Variants in SNX31 observed in about 807,000 individuals in gnomAD.
The protein encoded by SNX31 is sorting nexin-31.
SNX31 carries 58 observed loss-of-function variants against 65.4 expected under a neutral mutation model. The observed-to-expected ratio is 0.89, with a 90% CI of 0.72 to 1.10. The LOEUF (loss-of-function observed/expected upper bound fraction) is 1.10. SNX31 is among the 50% of genes least tolerant of loss of function. The pLI is 0.00. For synonymous variants in SNX31, 181 were observed against 190.1 expected, an observed-to-expected ratio of 0.95 and a Z score of 0.39; for missense variants, 523 against 529.7, an observed-to-expected ratio of 0.99 and a Z score of 0.12.
chr8:100,618,245 C>A (rs1817403701), intron 4 of SNX31: 6 of 1,453,316 alleles, frequency 4.1e-6, no homozygotes, highest in Admixed American at 4.3e-5. Flanking sequence ...GCTTAAAGAA[C>A]TTCCAAGTAA....
chr8:100,582,209 T>C (rs1349521485), intron 12 of SNX31: 2 of 152,212 alleles, frequency 1.3e-5, no homozygotes, highest in Non-Finnish European at 2.9e-5. Context: ...TTAAATAGAT[T>C]ACTACTTTCT....
chr8:100,593,166 T>G (rs925318592), intron 10 of SNX31, among the ~76,000 whole-genome samples: 1 of 152,178 alleles, frequency 6.6e-6, no homozygotes, highest in Non-Finnish European at 1.5e-5. Context: ...ATACTTTATA[T>G]GGGTGAATTG....
At chr8:100,616,306 TA>T (rs1260623290) in intron 5 of SNX31, among the ~76,000 whole-genome samples, 1 of 152,020 alleles carries the variant, frequency 6.6e-6, no homozygotes, top group Non-Finnish European at 1.5e-5. Flanking sequence ...GCCCAGTGTG[TA>T]AAAAAAGAAG....
chr8:100,602,418 C>T (rs1372518682), intron 8 of SNX31, among the ~76,000 whole-genome samples: 5 of 152,174 alleles, frequency 3.3e-5, no homozygotes, highest in Non-Finnish European at 7.4e-5. Context: ...AGTGGTCCCC[C>T]TTATCCTCAG....
chr8:100,653,295 G>T (rs534493648), upstream of SNX31, among the ~76,000 whole-genome samples: 29 of 152,304 alleles, frequency 1.9e-4, no homozygotes, highest in Non-Finnish European at 3.7e-4. Flanking sequence ...AATGTCCATG[G>T]TTCCTGGAGG....
intron 12 of SNX31, among the ~76,000 whole-genome samples, chr8:100,581,339 A>ATATC (rs1563510915): frequency 7.3e-4 from 90 of 123,964 alleles, no homozygotes; most frequent in African/African-American, 2.4e-3. Flanking sequence ...CTATCTATCT[A>ATATC]TATATATATA....
intron 12 of SNX31, among the ~76,000 whole-genome samples, chr8:100,577,321 G>T (rs1194813065): frequency 6.6e-6 from 1 of 152,210 alleles, no homozygotes; most frequent in Non-Finnish European, 1.5e-5. Flanking sequence ...GTTGCCTATG[G>T]ATTTTGTGAT....
rs754023336 is a variant in SNX31, at chr8:100,582,791, C to T, written c.1170+1320G>A. On this transcript the variant is annotated intron_variant, in intron 12 of 13. Coordinates refer to ENST00000311812, the MANE Select transcript of SNX31 (RefSeq NM_152628.4). ...AGGAGATCGAGACCATCCTGGCTAA[C>T]GTGGTGCAACCCTGTCTCTACTAAA... is the stretch of plus-strand genomic sequence containing the variant. Among the ~76,000 whole-genome samples, 62 of 151,450 alleles carry T rather than the reference C, an allele frequency of 4.1e-4. 1 individual carries two copies. The highest frequency in any genetic ancestry group is 5.9e-4 in the Non-Finnish European group (40 of 67,928).
chr8:100,639,049 C>A (rs1021123879), intron 2 of SNX31, among the ~76,000 whole-genome samples: 3 of 152,082 alleles, frequency 2.0e-5, no homozygotes. Flanking sequence ...AGTTTTGGGG[C>A]AGGGAGGTAC....
intron 3 of SNX31, among the ~76,000 whole-genome samples, chr8:100,634,162 G>A (rs41434450): frequency 0.089 from 13,556 of 152,062 alleles, 707 homozygotes; most frequent in South Asian, 0.19. Context: ...GCCTAATCTT[G>A]CCAACAACAG....
intron 10 of SNX31, among the ~76,000 whole-genome samples, chr8:100,592,014 T>C (rs892154877): frequency 1.3e-5 from 2 of 151,846 alleles, no homozygotes; most frequent in African/African-American, 4.8e-5. Context: ...CTGCAAACAG[T>C]AGAAAAATCA....
chr8:100,619,975 T>C (rs1432255040), intron 4 of SNX31: 2 of 152,128 alleles, frequency 1.3e-5, no homozygotes, highest in African/African-American at 4.8e-5. Context: ...GACTAATACA[T>C]TTATGGTATA....
chr8:100,605,249 G>A (rs1816040369), intron 8 of SNX31, among the ~76,000 whole-genome samples: 1 of 152,264 alleles, frequency 6.6e-6, no homozygotes, highest in African/African-American at 2.4e-5. Context: ...GGAGGAATGA[G>A]ACAGTCTCTG....
chr8:100,641,565 A>AT (rs1310228144), intron 2 of SNX31, among the ~76,000 whole-genome samples: 7 of 32,108 alleles, frequency 2.2e-4, no homozygotes, highest in Non-Finnish European at 2.7e-4. Flanking sequence ...AAAAAAAAAA[A>AT]ATATATATAT....
At chr8:100,631,295 C>T (rs1023978021) in intron 3 of SNX31, among the ~76,000 whole-genome samples, 2 of 152,134 alleles carry the variant, frequency 1.3e-5, no homozygotes, top group African/African-American at 4.8e-5. Flanking sequence ...TGCAAACCCA[C>T]AAGGTATGGC....
chr8:100,637,022 G>C (rs1007531395), intron 2 of SNX31, among the ~76,000 whole-genome samples: 3 of 151,946 alleles, frequency 2.0e-5, no homozygotes, highest in African/African-American at 7.3e-5. Flanking sequence ...CACCCGGCCG[G>C]GTGACTCACA....
chr8:100,616,363 A>G (rs1279967979), intron 5 of SNX31, among the ~76,000 whole-genome samples: 2 of 152,138 alleles, frequency 1.3e-5, no homozygotes, highest in East Asian at 1.9e-4. Flanking sequence ...CTCCTGTTCT[A>G]TATCTGATCC....
intron 1 of SNX31, among the ~76,000 whole-genome samples, chr8:100,661,006 TA>T (rs1402130899): frequency 2.7e-4 from 30 of 110,864 alleles, no homozygotes; most frequent in African/African-American, 1.3e-3. Context: ...AGCAGGTCGA[TA>T]TTTTTTTTTT....
chr8:100,629,387 G>GTA lies in SNX31; in HGVS notation c.321+938_321+939dup, dbSNP rs1366691927. ...CTTTTCAAAGAATAGGAAAGTGTGT[G>GTA]TATATATAAACCATCAAGAAATTGT... On this transcript the variant is annotated intron_variant, in intron 4 of 13. Transcript: ENST00000311812. The surrounding 1 kb of genome is among the most constrained non-coding windows in gnomAD (Gnocchi z 5.1). Among the ~76,000 whole-genome samples, 1 of 151,972 alleles carries GTA rather than the reference G, an allele frequency of 6.6e-6. No individual in the cohort carries two copies. The highest frequency in any genetic ancestry group is 1.5e-5 in the Non-Finnish European group (1 of 68,010).
Sources: gnomAD v4.1 joint callset for allele counts (sites outside exome capture counted in the v4.1 genomes callset) on GRCh38, gnomAD v4.1.1 for gene constraint, Gnocchi (gnomAD v3.1) non-coding constraint, MANE v1.5 for transcripts, NCBI Gene and HGNC (gene_info 2026-07-23, HGNC 2026-07-21) for gene names.